Variants in MEI1 observed in about 807,000 individuals in gnomAD.
MEI1 encodes the protein meiosis inhibitor protein 1.
In MEI1, 103 loss-of-function variants were observed where a neutral mutation model predicts 146.2. That is an observed-to-expected ratio of 0.70 (90% CI 0.60 to 0.83). The LOEUF (loss-of-function observed/expected upper bound fraction) is 0.83. MEI1 is among the 40% of genes least tolerant of loss of function. The pLI is 0.00. For missense variants in MEI1, 1,529 were observed against 1,533.0 expected (o/e 1.00, Z 0.04); for synonymous variants, 652 against 628.2 (o/e 1.04, Z -0.57).
At chr22:41,737,827 G>A (rs1420010493) in intron 11 of MEI1, among the ~76,000 whole-genome samples, 5 of 152,110 alleles carry the variant, frequency 3.3e-5, no homozygotes, top group Non-Finnish European at 7.3e-5. Flanking sequence ...ATATGCGAAT[G>A]TAGGATGTTA....
intron 2 of MEI1, among the ~76,000 whole-genome samples, chr22:41,704,444 C>T (rs761380130): frequency 8.2e-5 from 12 of 145,676 alleles, no homozygotes; most frequent in Admixed American, 4.2e-4. Context: ...GATGGTGTCT[C>T]GCTCTTTCGC....
At chr22:41,771,318 G>A (rs2075171282) in intron 20 of MEI1, among the ~76,000 whole-genome samples, 1 of 152,178 alleles carries the variant, frequency 6.6e-6, no homozygotes, top group African/African-American at 2.4e-5. Flanking sequence ...GAAGCCCATG[G>A]GGCATGTAGA....
chr22:41,784,301 G>C (rs781598113), intron 24 of MEI1, 38 bp from the exon 25 acceptor site: 49 of 1,586,244 alleles, frequency 3.1e-5, no homozygotes, highest in Non-Finnish European at 4.1e-5. Flanking sequence ...CAGGCTTCCA[G>C]AACATGGGGG....
intron 30 of MEI1, among the ~76,000 whole-genome samples, chr22:41,797,744 A>C (rs1330533721): frequency 6.6e-6 from 1 of 152,150 alleles, no homozygotes. Flanking sequence ...TTCGAAAAAA[A>C]ATCTGAAATA....
intron 7 of MEI1, among the ~76,000 whole-genome samples, chr22:41,726,627 C>T (rs1213308437): frequency 3.3e-5 from 5 of 152,128 alleles, no homozygotes; most frequent in Non-Finnish European, 7.3e-5. Flanking sequence ...AATTGGGAGA[C>T]ATTTTACCAT....
chr22:41,746,620 G>A (rs1221890609), intron 14 of MEI1, among the ~76,000 whole-genome samples: 5 of 152,204 alleles, frequency 3.3e-5, no homozygotes, highest in African/African-American at 9.6e-5. Flanking sequence ...GAAGAGCAGG[G>A]CCAAGAGCTG....
intron 28 of MEI1, among the ~76,000 whole-genome samples, chr22:41,794,917 C>G (rs930408246): frequency 1.3e-5 from 2 of 152,170 alleles, no homozygotes; most frequent in African/African-American, 4.8e-5. Flanking sequence ...AGCAGCAGGC[C>G]TAAGAATGAC....
intron 9 of MEI1, 78 bp downstream of exon 9, chr22:41,730,715 G>T: frequency 1.1e-6 from 1 of 884,798 alleles, no homozygotes; most frequent in Admixed American, 1.8e-5. Context: ...GCAGTGATGG[G>T]GGGCTAGCCT....
intron 26 of MEI1, among the ~76,000 whole-genome samples, chr22:41,790,426 A>G (rs942554711): frequency 6.6e-6 from 1 of 152,048 alleles, no homozygotes; most frequent in Non-Finnish European, 1.5e-5. Context: ...CATTTGTTCA[A>G]TGATTCATAC....
intron 3 of MEI1, chr22:41,709,099 T>C (rs2069331456): frequency 1.7e-6 from 1 of 595,304 alleles, no homozygotes; most frequent in African/African-American, 1.9e-5. Flanking sequence ...AACAGTGAAG[T>C]GTTCTGTGTG....
chr22:41,758,608 C>T (rs1467296352), intron 18 of MEI1, 75 bp downstream of exon 18: 4 of 1,454,886 alleles, frequency 2.7e-6, no homozygotes, highest in South Asian at 2.6e-5. Flanking sequence ...TAAATAAGGG[C>T]ATCTCTCCAA....
At chr22:41,709,906 A>G (rs2069402343) in intron 3 of MEI1, among the ~76,000 whole-genome samples, 1 of 152,066 alleles carries the variant, frequency 6.6e-6, no homozygotes, top group Non-Finnish European at 1.5e-5. Flanking sequence ...TTCCTTAGGA[A>G]CTAAGATCTT....
Position 41,758,355 on chromosome 22 carries a change from C to A in MEI1, c.1952-10C>A. ...TCTGTGTGGCTTTCCTCTACTTATTCCCTCCCTAGAACTCTCTGCAGTGTC... is the reference window on the plus strand; with the variant it reads ...TCTGTGTGGCTTTCCTCTACTTATTACCTCCCTAGAACTCTCTGCAGTGTC... On this transcript the variant is annotated splice_polypyrimidine_tract_variant and intron_variant, in intron 17 of 30. Transcript: ENST00000401548. The A allele has an allele frequency of 1.2e-6, 2 of 1,606,204 alleles. No homozygotes were observed. The highest frequency in any genetic ancestry group is 1.7e-6 in the Non-Finnish European group (2 of 1,174,852).
chr22:41,779,009 G>A, intron 22 of MEI1, 197 bp downstream of exon 22: 2 of 529,526 alleles, frequency 3.8e-6, no homozygotes, highest in Admixed American at 3.2e-5. Flanking sequence ...GAATGTTTGG[G>A]AGACACCCTA....
intron 20 of MEI1, among the ~76,000 whole-genome samples, chr22:41,771,657 A>G (rs927101288): frequency 2.0e-5 from 3 of 151,954 alleles, no homozygotes; most frequent in Non-Finnish European, 4.4e-5. Context: ...CAGGCTGTCA[A>G]TACTTTTTGG....
At chr22:41,719,276 C>T (rs1307719219) in intron 6 of MEI1, among the ~76,000 whole-genome samples, 4 of 152,010 alleles carry the variant, frequency 2.6e-5, no homozygotes, top group South Asian at 4.2e-4. Context: ...CCACCGCGCC[C>T]GGCCGGTTCA....
At chr22:41,737,700 C>A (rs545758545) in intron 11 of MEI1, among the ~76,000 whole-genome samples, 2 of 152,208 alleles carry the variant, frequency 1.3e-5, no homozygotes, top group African/African-American at 2.4e-5. Context: ...AGCCACTGAA[C>A]CTGGCCTATT....
At position 41,795,931 on chromosome 22, in the gene MEI1, A is replaced by G. The variant is rs1018168906; in HGVS notation, c.3779+84A>G. The G allele has an allele frequency of 3.1e-6, 5 of 1,612,202 alleles. No individual in the cohort carries two copies. Among genetic ancestry groups the G allele is most frequent in the Non-Finnish European group, 4.2e-6 (5 of 1,179,552 alleles). The stretch of plus-strand genomic sequence containing the variant: ...CTCTTCCTGGGCCAGTTTATGCGGT[A>G]CCGGAGTAGCAGTGTCCTCTCTCAT... On this transcript the variant is annotated intron_variant, in intron 30 of 30. Transcript: ENST00000401548. This position sits in a 1 kb window ranked among gnomAD's most constrained non-coding sequence, Gnocchi z 4.2.
chr22:41,702,221 AC>A (rs2068762166), intron 1 of MEI1, among the ~76,000 whole-genome samples: 1 of 152,068 alleles, frequency 6.6e-6, no homozygotes, highest in Non-Finnish European at 1.5e-5. Flanking sequence ...GCTCACTGCA[AC>A]CTCTGCCTCC....
Sources: gnomAD v4.1 joint callset for allele counts (sites outside exome capture counted in the v4.1 genomes callset) on GRCh38, gnomAD v4.1.1 for gene constraint, Gnocchi (gnomAD v3.1) non-coding constraint, MANE v1.5 for transcripts, NCBI Gene and HGNC (gene_info 2026-07-23, HGNC 2026-07-21) for gene names.